Variants in AGBL4 observed in about 807,000 individuals in gnomAD.
AGBL4 encodes cytosolic carboxypeptidase 6.
AGBL4 carries 58 observed loss-of-function variants against 66.4 expected under a neutral mutation model. That is an observed-to-expected ratio of 0.87 (90% CI 0.71 to 1.09). AGBL4 has a LOEUF of 1.09. Ranked by LOEUF, AGBL4 falls within the 50% of genes least tolerant of loss-of-function variation. The probability of loss-of-function intolerance (pLI) is 0.00; values close to 1 mark genes in which losing one functional copy is unlikely to be tolerated. For synonymous variants in AGBL4, 234 were observed against 222.9 expected, an observed-to-expected ratio of 1.05 and a Z score of -0.44; for missense variants, 579 against 631.0, an observed-to-expected ratio of 0.92 and a Z score of 0.88.
rs1408633717 is a variant in AGBL4 at position 49,282,083 on chromosome 1, A to G, written c.283-36219T>C. 2.6e-5 allele frequency among the ~76,000 whole-genome samples: 4 copies of G among 152,220 alleles called. No individual in the cohort carries two copies. In the East Asian group the frequency reaches 7.7e-4, roughly 29 times the overall value. On this transcript the variant is annotated intron_variant, in intron 3 of 13. Coordinates refer to ENST00000371839, the MANE Select transcript of AGBL4 (RefSeq NM_032785.4). ...TCTGACTATCTCCAGGTAGATAGTC[A>G]GAATTGAATGAAATCATAGGCTACT...
At chr1:48,787,464 A>G (rs922348678) in intron 6 of AGBL4, among the ~76,000 whole-genome samples, 1 of 152,192 alleles carries the variant, frequency 6.6e-6, no homozygotes, top group Admixed American at 6.5e-5. Flanking sequence ...TCTTTCATTT[A>G]CTAACACAAA....
chr1:48,703,030 T>C (rs548996720), intron 6 of AGBL4, among the ~76,000 whole-genome samples: 2 of 152,282 alleles, frequency 1.3e-5, no homozygotes, highest in East Asian at 3.9e-4. Flanking sequence ...TATTCAAAGA[T>C]GATTAAGCAA....
intron 3 of AGBL4, among the ~76,000 whole-genome samples, chr1:49,342,330 G>A (rs1645557143): frequency 6.6e-6 from 1 of 152,066 alleles, no homozygotes; most frequent in Non-Finnish European, 1.5e-5. Flanking sequence ...ACAGAGAGGT[G>A]GACACCACAG....
chr1:48,962,990 A>G (rs912989290), intron 5 of AGBL4, among the ~76,000 whole-genome samples: 3 of 150,866 alleles, frequency 2.0e-5, no homozygotes, highest in Non-Finnish European at 2.9e-5. Flanking sequence ...TAGGCTATCA[A>G]TATTATTTTT....
chr1:49,644,398 A>G (rs1578800), intron 3 of AGBL4, among the ~76,000 whole-genome samples: 60,533 of 151,384 alleles, frequency 0.4, 15,428 homozygotes, highest in Non-Finnish European at 0.57. Context: ...ACTAGGTACT[A>G]TTTATTAGAA....
At chr1:48,866,240 G>C (rs1250090359) in intron 6 of AGBL4, among the ~76,000 whole-genome samples, 1 of 152,098 alleles carries the variant, frequency 6.6e-6, no homozygotes, top group Non-Finnish European at 1.5e-5. Context: ...TAGGCTTTGT[G>C]GAGGGAAGGG....
intron 4 of AGBL4, among the ~76,000 whole-genome samples, chr1:49,179,891 T>C (rs749260350): frequency 2.0e-5 from 3 of 151,996 alleles, no homozygotes; most frequent in Non-Finnish European, 2.9e-5. Context: ...TTAACATCTT[T>C]ATTTTTTTTA....
At chr1:50,020,692 C>T (rs1662381960) in intron 1 of AGBL4, among the ~76,000 whole-genome samples, 1 of 152,174 alleles carries the variant, frequency 6.6e-6, no homozygotes, top group African/African-American at 2.4e-5. Context: ...TAATTCTTTG[C>T]AGATCTTAAT....
intron 5 of AGBL4, among the ~76,000 whole-genome samples, chr1:48,962,887 G>C (rs1658112660): frequency 6.6e-6 from 1 of 151,802 alleles, no homozygotes; most frequent in Non-Finnish European, 1.5e-5. Flanking sequence ...CTTTTCTCTT[G>C]TAAAGTGGAG....
At chr1:48,814,527 G>T (rs911232714) in intron 6 of AGBL4, among the ~76,000 whole-genome samples, 2 of 151,674 alleles carry the variant, frequency 1.3e-5, no homozygotes, top group Non-Finnish European at 2.9e-5. Flanking sequence ...TCCTACAGTG[G>T]CATAGAGCCC....
chr1:48,617,134 G>C (rs1645332636), intron 9 of AGBL4, among the ~76,000 whole-genome samples: 1 of 152,192 alleles, frequency 6.6e-6, no homozygotes, highest in Non-Finnish European at 1.5e-5. Flanking sequence ...CCATTGCACA[G>C]CATGATGGAT....
At chr1:49,563,121 G>A (rs1315236627) in intron 3 of AGBL4, among the ~76,000 whole-genome samples, 4 of 151,818 alleles carry the variant, frequency 2.6e-5, no homozygotes, top group African/African-American at 9.7e-5. Context: ...GTCTGTTATT[G>A]GTGTATAAGA....
chr1:48,979,706 T>C (rs1659599240), intron 5 of AGBL4, among the ~76,000 whole-genome samples: 1 of 152,018 alleles, frequency 6.6e-6, no homozygotes, highest in Non-Finnish European at 1.5e-5. Context: ...TTCAATTAAG[T>C]TTGTACTGGC....
chr1:49,511,749 C>G (rs978762467), intron 3 of AGBL4, among the ~76,000 whole-genome samples: 2 of 151,812 alleles, frequency 1.3e-5, no homozygotes, highest in Non-Finnish European at 2.9e-5. Flanking sequence ...GACTTGGATT[C>G]CAATCACAAA....
chr1:49,615,230 G>T (rs868161834), intron 3 of AGBL4, among the ~76,000 whole-genome samples: 2 of 152,114 alleles, frequency 1.3e-5, no homozygotes, highest in Non-Finnish European at 2.9e-5. Context: ...GGCAAAGGAG[G>T]CAGTATAAAT....
intron 3 of AGBL4, among the ~76,000 whole-genome samples, chr1:49,280,045 T>C (rs1396457823): frequency 6.6e-6 from 1 of 152,136 alleles, no homozygotes; most frequent in African/African-American, 2.4e-5. Context: ...AACCTAAGAT[T>C]GGCCTTTCGA....
intron 2 of AGBL4, among the ~76,000 whole-genome samples, chr1:49,792,132 A>G (rs1644616739): frequency 6.6e-6 from 1 of 152,038 alleles, no homozygotes; most frequent in Admixed American, 6.6e-5. Flanking sequence ...CTTCCTTTTT[A>G]TAATATGGTG....
At chr1:49,859,918 T>A (rs1484812505) in intron 1 of AGBL4, among the ~76,000 whole-genome samples, 1 of 152,068 alleles carries the variant, frequency 6.6e-6, no homozygotes, top group African/African-American at 2.4e-5. Flanking sequence ...ATAGAAGAAA[T>A]CAATCATATC....
At chr1:48,530,035 C>T (rs1021647665), downstream of AGBL4, among the ~76,000 whole-genome samples, 2 of 151,778 alleles carry the variant, frequency 1.3e-5, no homozygotes, top group Admixed American at 1.3e-4. Flanking sequence ...TCCCTATCCC[C>T]CACTACCTCT....
Sources: allele counts gnomAD v4.1 joint callset (sites outside exome capture counted in the v4.1 genomes callset), GRCh38; gene constraint gnomAD v4.1.1; transcripts MANE v1.5; gene names NCBI Gene and HGNC (gene_info 2026-07-23, HGNC 2026-07-21).